Variants in TTLL6 observed in about 807,000 individuals in gnomAD.
The protein encoded by TTLL6 is tubulin tyrosine ligase like 6, also known as tubulin polyglutamylase TTLL6.
In TTLL6, 75 loss-of-function variants were observed where a neutral mutation model predicts 96.4. That is an observed-to-expected ratio of 0.78 (90% CI 0.65 to 0.94). TTLL6 has a LOEUF of 0.94. Among genes scored for constraint, TTLL6 ranks in the 40% least tolerant of loss-of-function variants. TTLL6 has a pLI of 0.00. For missense variants in TTLL6, 1,030 were observed against 1,093.0 expected (o/e 0.94, Z 0.81); for synonymous variants, 411 against 419.4 (o/e 0.98, Z 0.24).
At chr17:48,769,610 T>A (rs145626556) in intron 14 of TTLL6, 118 bp downstream of exon 14, 36,977 of 1,314,740 alleles carry the variant, frequency 0.028, 634 homozygotes, top group South Asian at 0.048. Flanking sequence ...GGGGTTTCCC[T>A]GAAGACAGGG....
At chr17:48,789,222 T>C (rs2143353517) in intron 10 of TTLL6, among the ~76,000 whole-genome samples, 1 of 152,364 alleles carries the variant, frequency 6.6e-6, no homozygotes, top group South Asian at 2.1e-4. Flanking sequence ...TATCTGTAAC[T>C]TAATCTCCTA....
rs1335179250 is a variant in TTLL6 at position 48,786,158 on chromosome 17, G to A, written c.1761+6C>T. ...GCTACGTGTGTTCCCCTCAATCCAG[G>A]TTTACCTGTTTGGAGGCTTGGGTGG... On this transcript the variant is annotated splice_donor_region_variant and intron_variant, in intron 12 of 15. Transcript: ENST00000393382. The A allele has an allele frequency of 4.3e-6, 7 of 1,614,078 alleles. No homozygotes were observed. The highest frequency in any genetic ancestry group is 5.1e-6 in the Non-Finnish European group (6 of 1,180,050).
At chr17:48,804,015 G>T in intron 2 of TTLL6, 87 bp from the exon 3 acceptor site, 1 of 1,468,820 alleles carries the variant, frequency 6.8e-7, no homozygotes, top group Non-Finnish European at 9.3e-7. Flanking sequence ...CCTGTCCCAG[G>T]TGGAGCTGTC....
chr17:48,802,534 G>A (rs529863886), intron 3 of TTLL6, among the ~76,000 whole-genome samples: 1 of 152,166 alleles, frequency 6.6e-6, no homozygotes. Context: ...TGCAGTAACC[G>A]GGACAGGACA....
At chr17:48,797,701 C>T (rs1391537735) in intron 6 of TTLL6, among the ~76,000 whole-genome samples, 1 of 146,340 alleles carries the variant, frequency 6.8e-6, no homozygotes, top group African/African-American at 2.5e-5. Flanking sequence ...GCAGGAGAAT[C>T]ACTTGAGCCC....
At chr17:48,811,374 G>A (rs1226908247) in intron 1 of TTLL6, among the ~76,000 whole-genome samples, 2 of 151,974 alleles carry the variant, frequency 1.3e-5, no homozygotes, top group Non-Finnish European at 2.9e-5. Flanking sequence ...ACCATGCCCA[G>A]CCTATTTTTC....
intron 5 of TTLL6, 30 bp from the exon 6 acceptor site, chr17:48,799,790 T>A (rs1433652555): frequency 6.5e-7 from 1 of 1,542,886 alleles, no homozygotes; most frequent in South Asian, 1.2e-5. Flanking sequence ...ACAAGATACA[T>A]CTTTAGCTGG....
At chr17:48,776,390 G>A (rs1417049814) in intron 13 of TTLL6, among the ~76,000 whole-genome samples, 2 of 152,198 alleles carry the variant, frequency 1.3e-5, no homozygotes, top group East Asian at 1.9e-4. Flanking sequence ...GAACCTGGGA[G>A]GTGGAGGTTG....
intron 11 of TTLL6, among the ~76,000 whole-genome samples, chr17:48,786,868 C>G (rs932330036): frequency 1.8e-4 from 25 of 141,436 alleles, no homozygotes; most frequent in East Asian, 6.1e-4. Context: ...GAGTCTCGCT[C>G]TGTCCCCCAG....
At chr17:48,802,320 A>G (rs766422987) in intron 3 of TTLL6, among the ~76,000 whole-genome samples, 24 of 152,358 alleles carry the variant, frequency 1.6e-4, no homozygotes, top group Middle Eastern at 3.4e-3. Flanking sequence ...TTCAGGGAAT[A>G]TAAACTAATC....
intron 3 of TTLL6, among the ~76,000 whole-genome samples, chr17:48,803,493 A>C (rs1422098934): frequency 6.6e-6 from 1 of 151,590 alleles, no homozygotes; most frequent in East Asian, 1.9e-4. Flanking sequence ...CAAAAAAAAA[A>C]ACAAAAAAAA....
In TTLL6 at chr17:48,787,895, G is replaced by T. The variant is rs376317719; in HGVS notation, c.1505C>A (p.Ser502Ter). 1 of 1,614,098 alleles carries T rather than the reference G, an allele frequency of 6.2e-7. No homozygotes were observed. The highest frequency in any genetic ancestry group is 8.5e-7 in the Non-Finnish European group (1 of 1,180,006). ...CTGGAAAAACTTCTCATACTTCTCC[G>T]AATTCAGACTGGGATAAATCAGTCG... The part of the protein sequence containing the change: ...GFRLIYPSLN[S>*]EKYEKFFQDN... Residue 502 changes from serine to a stop codon, truncating the protein, a stop_gained, in exon 11 of 16, where the codon TCG (serine) becomes TAG (stop). Coordinates refer to ENST00000393382, the MANE Select transcript of TTLL6 (RefSeq NM_001130918.3). LOFTEE classifies it high-confidence loss of function.
intron 8 of TTLL6, among the ~76,000 whole-genome samples, chr17:48,792,672 G>A (rs2039248990): frequency 6.6e-6 from 1 of 152,088 alleles, no homozygotes; most frequent in Admixed American, 6.6e-5. Flanking sequence ...GACCATTCAG[G>A]GAGTCAACAC....
At chr17:48,780,533 A>T (rs1473515096) in intron 13 of TTLL6, among the ~76,000 whole-genome samples, 1 of 152,232 alleles carries the variant, frequency 6.6e-6, no homozygotes, top group Non-Finnish European at 1.5e-5. Flanking sequence ...CTACCATCTT[A>T]GTCATTTTAA....
intron 8 of TTLL6, among the ~76,000 whole-genome samples, chr17:48,793,674 C>T (rs890056275): frequency 1.3e-5 from 2 of 151,980 alleles, no homozygotes; most frequent in Admixed American, 6.6e-5. Flanking sequence ...GGTAAGGGCA[C>T]CAACTCGGGG....
In TTLL6 at chr17:48,790,098, G is replaced by A. The variant is rs2039191355; in HGVS notation, c.1233C>T (p.His411=). The change falls in exon 10 of 16, where the codon CAC becomes CAT. Residue 411 remains histidine, a synonymous_variant. Coordinates refer to ENST00000393382, the MANE Select transcript of TTLL6 (RefSeq NM_001130918.3). ...KLKPWLLEVN[H]SPSFSTDSRL... is the part of the protein sequence containing the mutation. Reference sequence around the variant, plus strand: ...GAGAGTCGGTGGAGAAGCTTGGAGAGTGGTTGACCTGTGAGGGCAAGATTG... The same window carrying A: ...GAGAGTCGGTGGAGAAGCTTGGAGAATGGTTGACCTGTGAGGGCAAGATTG... The A allele has an allele frequency of 5.6e-6, 9 of 1,613,588 alleles. No individual in the cohort carries two copies. The East Asian group carries it at 2.0e-4, about 36-fold the overall frequency.
intron 11 of TTLL6, among the ~76,000 whole-genome samples, chr17:48,787,329 A>G (rs982586344): frequency 7.2e-5 from 11 of 152,152 alleles, no homozygotes; most frequent in Non-Finnish European, 1.5e-4. Flanking sequence ...TCCACTTCAC[A>G]TAGGGAATCT....
In TTLL6 at chr17:48,791,492, G is replaced by A; in HGVS notation, c.1110C>T (p.Ile370=). ...AGCAGGTGTGGTAGTTATGCCTGAT[G>A]ATGGGGTGGGCCGAGATGAGGGTCT... The part of the protein sequence containing the change: ...IIKTLISAHP[I]IRHNYHTCFP... Residue 370 remains isoleucine (I), a synonymous_variant, in exon 9 of 16, where the codon ATC becomes ATT. Transcript: ENST00000393382. 1 of 1,614,208 alleles carries A rather than the reference G, an allele frequency of 6.2e-7. No individual in the cohort carries two copies. The highest frequency in any genetic ancestry group is 1.3e-5 in the African/African-American group (1 of 75,058).
At chr17:48,803,171 AAAAAT>A (rs1262869847) in intron 3 of TTLL6, among the ~76,000 whole-genome samples, 1 of 152,162 alleles carries the variant, frequency 6.6e-6, no homozygotes, top group Non-Finnish European at 1.5e-5. Context: ...ACCCAGTCTC[AAAAAT>A]AAAATAAATA....
Sources: gnomAD v4.1 joint callset for allele counts (sites outside exome capture counted in the v4.1 genomes callset) on GRCh38, gnomAD v4.1.1 for gene constraint, MANE v1.5 for transcripts, NCBI Gene and HGNC (gene_info 2026-07-23, HGNC 2026-07-21) for gene names.